The following ATRNL1 variants were observed in gnomAD, a reference collection of about 807,000 sequenced individuals.
ATRNL1 encodes the protein attractin-like protein 1.
A neutral mutation model predicts 182.7 loss-of-function variants in ATRNL1; 95 were observed. The ratio of observed to expected loss-of-function variants is 0.52; its 90% CI spans 0.44 to 0.62. The LOEUF is 0.62. Ranked by LOEUF, ATRNL1 falls within the 20% of genes least tolerant of loss-of-function variation. The pLI, the probability that ATRNL1 is intolerant of heterozygous loss-of-function variation, is 0.00. For synonymous variants in ATRNL1, 576 were observed against 568.3 expected (o/e 1.01, Z -0.19); for missense variants, 1,471 against 1,679.5 (o/e 0.88, Z 2.17).
chr10:115,762,678 A>G (rs1194114462), intron 27 of ATRNL1, among the ~76,000 whole-genome samples: 1 of 152,150 alleles, frequency 6.6e-6, no homozygotes, highest in Non-Finnish European at 1.5e-5. Context: ...CATTATATAA[A>G]TTATAAGAAT....
intron 8 of ATRNL1, among the ~76,000 whole-genome samples, chr10:115,202,076 GATTT>G (rs1848603866): frequency 2.0e-5 from 3 of 152,028 alleles, no homozygotes; most frequent in Admixed American, 1.3e-4. Context: ...TTTGTACATT[GATTT>G]TGTATCCTGA....
intron 21 of ATRNL1, among the ~76,000 whole-genome samples, chr10:115,439,812 AC>A (rs1846580856): frequency 6.6e-6 from 1 of 151,848 alleles, no homozygotes; most frequent in Non-Finnish European, 1.5e-5. Flanking sequence ...GAAGGAAGGG[AC>A]CATGAGCCAA....
chr10:115,193,856 A>C (rs1221674551), intron 8 of ATRNL1, among the ~76,000 whole-genome samples: 1 of 151,382 alleles, frequency 6.6e-6, no homozygotes, highest in Non-Finnish European at 1.5e-5. Context: ...CTTCCCTCTT[A>C]GTACTGCTTT....
intron 28 of ATRNL1, among the ~76,000 whole-genome samples, chr10:115,865,481 A>G (rs1951419194): frequency 6.6e-6 from 1 of 152,166 alleles, no homozygotes; most frequent in African/African-American, 2.4e-5. Flanking sequence ...TTATTTCATT[A>G]TATGGTTCCT....
chr10:115,802,515 A>T (rs1244569916), intron 27 of ATRNL1, among the ~76,000 whole-genome samples: 1 of 152,194 alleles, frequency 6.6e-6, no homozygotes, highest in African/African-American at 2.4e-5. Flanking sequence ...TATAAATACA[A>T]TTCATTTGAA....
intron 28 of ATRNL1, among the ~76,000 whole-genome samples, chr10:115,850,201 T>C (rs1589602515): frequency 6.6e-6 from 1 of 152,252 alleles, no homozygotes; most frequent in East Asian, 1.9e-4. Context: ...AAAATGTTAA[T>C]GGTAGGATCT....
chr10:115,122,611 A>G (rs575452822), intron 3 of ATRNL1, among the ~76,000 whole-genome samples: 26 of 151,894 alleles, frequency 1.7e-4, no homozygotes, highest in Admixed American at 1.4e-3. Flanking sequence ...TTTCTTTCCA[A>G]TTTTTCTTTT....
chr10:115,514,326 G>T (rs1429268344), intron 24 of ATRNL1, among the ~76,000 whole-genome samples: 1 of 151,760 alleles, frequency 6.6e-6, no homozygotes, highest in African/African-American at 2.4e-5. Context: ...TTTTACATTT[G>T]TCTTTATTAT....
At position 115,207,383 on chromosome 10, in the gene ATRNL1, A is replaced by G. The variant is rs1011456173; in HGVS notation, c.1349-8314A>G. Among the ~76,000 whole-genome samples, 15 of 152,186 alleles carry G rather than the reference A, an allele frequency of 9.9e-5. No individual in the cohort carries two copies. In the East Asian group the frequency reaches 1.7e-3, roughly 18 times the overall value. ...CTGACTTTTTAATGATCGCCGTTCTAACTGGCATGAGATGGTATCTCATTG... is the reference window on the plus strand; with the variant it reads ...CTGACTTTTTAATGATCGCCGTTCTGACTGGCATGAGATGGTATCTCATTG... On this transcript the variant is annotated intron_variant, in intron 8 of 28. Coordinates refer to ENST00000355044, the MANE Select transcript of ATRNL1 (RefSeq NM_207303.4).
chr10:115,105,076 T>C (rs1843945062), intron 1 of ATRNL1, among the ~76,000 whole-genome samples: 2 of 152,198 alleles, frequency 1.3e-5, no homozygotes, highest in Admixed American at 1.3e-4. Context: ...ATTTTTTTTC[T>C]ATTTTTGTGA....
chr10:115,516,887 C>T (rs1325607741), intron 24 of ATRNL1, among the ~76,000 whole-genome samples: 1 of 151,868 alleles, frequency 6.6e-6, no homozygotes, highest in Non-Finnish European at 1.5e-5. Context: ...CGCAAATCCT[C>T]CTAGCTCATA....
At chr10:115,580,097 TTTCTC>T (rs1183152386) in intron 26 of ATRNL1, among the ~76,000 whole-genome samples, 3 of 152,076 alleles carry the variant, frequency 2.0e-5, no homozygotes, top group Non-Finnish European at 4.4e-5. Context: ...ATTTGAAACT[TTTCTC>T]TTTTACCTTT....
intron 26 of ATRNL1, among the ~76,000 whole-genome samples, chr10:115,707,592 C>G (rs1224777437): frequency 1.3e-5 from 2 of 151,546 alleles, no homozygotes; most frequent in African/African-American, 4.8e-5. Flanking sequence ...TATGTATGTG[C>G]ATTTACCTAT....
chr10:115,800,135 G>A (rs1273981494), intron 27 of ATRNL1, among the ~76,000 whole-genome samples: 3 of 151,528 alleles, frequency 2.0e-5, no homozygotes, highest in Admixed American at 6.6e-5. Context: ...CAGGAGAATC[G>A]CTTGAACCCC....
At chr10:115,391,697 A>ATTT (rs1844029485) in intron 19 of ATRNL1, among the ~76,000 whole-genome samples, 1 of 151,392 alleles carries the variant, frequency 6.6e-6, no homozygotes, top group African/African-American at 2.4e-5. Context: ...GGAAGGTATT[A>ATTT]TGATGCATGG....
intron 26 of ATRNL1, among the ~76,000 whole-genome samples, chr10:115,698,784 AAAAG>A (rs1308115179): frequency 6.6e-6 from 1 of 152,080 alleles, no homozygotes; most frequent in Non-Finnish European, 1.5e-5. Flanking sequence ...CTCAAAAAAA[AAAAG>A]AAGAAGAAAT....
intron 28 of ATRNL1, among the ~76,000 whole-genome samples, chr10:115,942,779 T>G (rs1555124578): frequency 6.6e-6 from 1 of 152,214 alleles, no homozygotes; most frequent in Non-Finnish European, 1.5e-5. Context: ...GGCCTTTTCT[T>G]AAGCAAGGCC....
rs1447514678 is a variant in ATRNL1 at position 115,315,671 on chromosome 10, T to C, written c.2972T>C (p.Met991Thr). Residue 991 changes from methionine (M) to threonine (T), a missense_variant, in exon 18 of 29, where the codon ATG becomes ACG. Met to Thr is a moderately conservative substitution (Grantham distance 81). Coordinates refer to ENST00000355044, the MANE Select transcript of ATRNL1 (RefSeq NM_207303.4). ...MKLIGMHHSEMVLDTNLCPKE... is the reference protein window; with the variant it reads ...MKLIGMHHSETVLDTNLCPKE... ...CTTATTGGAATGCACCACAGTGAGA[T>C]GGTTCTTGACACCAATCTTTGCCCC... is the stretch of plus-strand genomic sequence containing the variant. 4 of 1,613,892 alleles carry C rather than the reference T, an allele frequency of 2.5e-6. No individual in the cohort carries two copies. The highest frequency in any genetic ancestry group is 2.2e-5 in the East Asian group (1 of 44,870).
chr10:115,577,904 T>G (rs757908456), intron 26 of ATRNL1, among the ~76,000 whole-genome samples: 1 of 151,704 alleles, frequency 6.6e-6, no homozygotes, highest in East Asian at 1.9e-4. Flanking sequence ...AAATGACCTT[T>G]ATTATGTTCA....
Sources: gnomAD v4.1 joint callset for allele counts (sites outside exome capture counted in the v4.1 genomes callset) on GRCh38, gnomAD v4.1.1 for gene constraint, MANE v1.5 for transcripts, NCBI Gene and HGNC (gene_info 2026-07-23, HGNC 2026-07-21) for gene names.